The following CMTM4 variants were observed in gnomAD, a reference collection of about 807,000 sequenced individuals.
The protein encoded by CMTM4 is CKLF like MARVEL transmembrane domain containing 4.
Under a neutral mutation model 19.0 loss-of-function variants are expected in CMTM4, and 8 were observed. The observed-to-expected ratio is 0.42, with a 90% CI of 0.25 to 0.76. CMTM4 has a LOEUF of 0.76. Among genes scored for constraint, CMTM4 ranks in the 30% least tolerant of loss-of-function variants. The pLI is 0.27. For synonymous variants in CMTM4, 106 were observed against 121.1 expected, an observed-to-expected ratio of 0.88 and a Z score of 0.82; for missense variants, 228 against 290.2, an observed-to-expected ratio of 0.79 and a Z score of 1.56.
At chr16:66,635,315 A>G (rs1408800191) in intron 2 of CMTM4, among the ~76,000 whole-genome samples, 3 of 152,240 alleles carry the variant, frequency 2.0e-5, no homozygotes, top group Non-Finnish European at 4.4e-5. Context: ...GACAAAAAAC[A>G]GCTAAGTTTT....
intron 1 of CMTM4, among the ~76,000 whole-genome samples, chr16:66,654,624 G>C (rs1027123908): frequency 2.0e-5 from 3 of 152,212 alleles, no homozygotes; most frequent in Admixed American, 6.5e-5. Flanking sequence ...TCGCACAGTA[G>C]TTAAGGAGTG....
the CMTM4 span, among the ~76,000 whole-genome samples, chr16:66,606,381 C>T: frequency 6.6e-6 from 1 of 152,126 alleles, no homozygotes. Flanking sequence ...CTGGGTCAGT[C>T]CCATGGAAGG....
intron 1 of CMTM4, among the ~76,000 whole-genome samples, chr16:66,675,586 T>C (rs2016796651): frequency 1.3e-5 from 2 of 152,054 alleles, no homozygotes; most frequent in South Asian, 4.1e-4. Context: ...TCATTTCTTG[T>C]GGGCTTCACT....
At position 66,675,075 on chromosome 16, in the gene CMTM4, A is replaced by AT. The variant is rs1027116046; in HGVS notation, c.186+21264dup. On this transcript the variant is annotated intron_variant, in intron 1 of 3. Transcript: ENST00000394106. Reference sequence around the variant, plus strand: ...CATATTCTTTTCTTTACTTAAAAAAATTTTTTTTTTAATTTTTTTTTTTGA... The same window carrying AT: ...CATATTCTTTTCTTTACTTAAAAAAATTTTTTTTTTTAATTTTTTTTTTTGA... Among the ~76,000 whole-genome samples, 144 of 142,686 alleles carry AT rather than the reference A, an allele frequency of 1.0e-3. 1 individual carries two copies. The highest frequency in any genetic ancestry group is 7.6e-3 in the South Asian group (34 of 4,476). 93.6% of individuals were successfully genotyped at this position (142,686 alleles called of 152,430 possible).
In CMTM4 at chr16:66,621,970, T is replaced by A; in HGVS notation, c.*88A>T. 2 of 1,477,280 alleles carry A rather than the reference T, an allele frequency of 1.4e-6. No individual in the cohort carries two copies. The allele number at this position is 1,477,280 out of a possible 1,614,324, so 91.5% of individuals were successfully genotyped here. A position where few individuals can be genotyped will look rare whatever the true frequency, so the allele number is the denominator to read the frequency against. ...CCAAAGAGGACAAAATTCAACTGAATCACATGGAAATCTGACAGGACAAGG... is the reference window on the plus strand; with the variant it reads ...CCAAAGAGGACAAAATTCAACTGAAACACATGGAAATCTGACAGGACAAGG... On this transcript the variant is annotated 3_prime_UTR_variant, in exon 4 of 4. Coordinates refer to ENST00000394106, the MANE Select transcript of CMTM4 (RefSeq NM_181521.3).
chr16:66,691,050 G>A (rs112658949), intron 1 of CMTM4, among the ~76,000 whole-genome samples: 11 of 152,272 alleles, frequency 7.2e-5, no homozygotes, highest in African/African-American at 1.9e-4. Context: ...CCAGAAGTTC[G>A]AGGTTACAGT....
At chr16:66,683,260 ACATTAATAACC>A (rs1316397899) in intron 1 of CMTM4, among the ~76,000 whole-genome samples, 5 of 136,780 alleles carry the variant, frequency 3.7e-5, no homozygotes, top group Non-Finnish European at 7.8e-5. Context: ...CTTACAAACT[ACATTAATAACC>A]CATTTTTTTC....
At chr16:66,644,731 T>A (rs527850182) in intron 1 of CMTM4, among the ~76,000 whole-genome samples, 8 of 152,304 alleles carry the variant, frequency 5.3e-5, no homozygotes, top group African/African-American at 1.9e-4. Flanking sequence ...AGTTCCACCA[T>A]GCTCCTTCCC....
rs2015657932 is a variant in CMTM4, at chr16:66,622,467, T to C, written c.463-245A>G. Among the ~76,000 whole-genome samples, 1 of 152,234 alleles carries C rather than the reference T, an allele frequency of 6.6e-6. No homozygotes were observed. Among genetic ancestry groups the C allele is most frequent in the South Asian group, 2.1e-4 (1 of 4,832 alleles). On this transcript the variant is annotated intron_variant, in intron 3 of 3. Coordinates refer to ENST00000394106, the MANE Select transcript of CMTM4 (RefSeq NM_181521.3). The surrounding 1 kb of genome is among the most constrained non-coding windows in gnomAD (Gnocchi z 4.0). ...CCTGTGCCCAGCCCTGCTGGATGTG[T>C]GGCTGTCACACCACAGCTGAGTCTC...
chr16:66,630,503 T>A lies in CMTM4; in HGVS notation c.363+5902A>T, dbSNP rs1192926523. 5.3e-5 allele frequency among the ~76,000 whole-genome samples: 8 copies of A among 151,760 alleles called. No individual in the cohort carries two copies. In the East Asian group the frequency reaches 1.4e-3, roughly 26 times the overall value. On this transcript the variant is annotated intron_variant, in intron 2 of 3. Coordinates refer to ENST00000394106, the MANE Select transcript of CMTM4 (RefSeq NM_181521.3). ...GCAGGCGCGCGCCGCCACGCCTGAC[T>A]GGTTTTCGTATTTTTTGGTGGAGAC...
the CMTM4 span, among the ~76,000 whole-genome samples, chr16:66,607,776 G>A: frequency 6.6e-6 from 1 of 152,030 alleles, no homozygotes; most frequent in Non-Finnish European, 1.5e-5. Flanking sequence ...GTAAGGTGAG[G>A]ACTCAGGGCC....
At chr16:66,669,902 T>A (rs1453784586) in intron 1 of CMTM4, among the ~76,000 whole-genome samples, 1 of 152,134 alleles carries the variant, frequency 6.6e-6, no homozygotes, top group African/African-American at 2.4e-5. Context: ...TTTATTAGAT[T>A]TGTTTAATTC....
chr16:66,650,786 T>G (rs1596932458), intron 1 of CMTM4, among the ~76,000 whole-genome samples: 1 of 152,340 alleles, frequency 6.6e-6, no homozygotes, highest in African/African-American at 2.4e-5. Context: ...TGGTCAATAC[T>G]CAGCTTTGTC....
chr16:66,659,244 G>A (rs2016457992), intron 1 of CMTM4, among the ~76,000 whole-genome samples: 1 of 151,976 alleles, frequency 6.6e-6, no homozygotes, highest in South Asian at 2.1e-4. Flanking sequence ...GCATGGTGGT[G>A]TGCACCTGTA....
intron 1 of CMTM4, among the ~76,000 whole-genome samples, chr16:66,650,729 G>C (rs1269544841): frequency 3.3e-5 from 5 of 152,216 alleles, no homozygotes; most frequent in Non-Finnish European, 7.3e-5. Flanking sequence ...ACTTTGCACA[G>C]CCATGTCTGG....
intron 1 of CMTM4, among the ~76,000 whole-genome samples, chr16:66,685,066 G>A (rs1292853771): frequency 6.6e-6 from 1 of 152,100 alleles, no homozygotes; most frequent in African/African-American, 2.4e-5. Flanking sequence ...GTGAGCACAC[G>A]GGTACTGTCA....
At chr16:66,646,019 T>C (rs918537367) in intron 1 of CMTM4, among the ~76,000 whole-genome samples, 24 of 151,822 alleles carry the variant, frequency 1.6e-4, no homozygotes, top group African/African-American at 5.8e-4. Flanking sequence ...AGAGCCATGG[T>C]GAATAAACAA....
In CMTM4 at chr16:66,696,189, G is replaced by A. The variant is rs2017230860; in HGVS notation, c.186+151C>T. 4 of 467,540 alleles carry A rather than the reference G, an allele frequency of 8.6e-6. No individual in the cohort carries two copies. In the Admixed American group the frequency reaches 1.9e-4, roughly 22 times the overall value. The allele number at this position is 467,540 out of a possible 1,614,324, so 29.0% of individuals were successfully genotyped here. On this transcript the variant is annotated intron_variant, in intron 1 of 3. Transcript: ENST00000394106. The surrounding 1 kb of genome is among the most constrained non-coding windows in gnomAD (Gnocchi z 4.3). Reference sequence around the variant, plus strand: ...CGGGGTCCCCAGAGAAGGCTGCAGAGTGGTCCCGGGACCCCACGAGGGAGA... The same window carrying A: ...CGGGGTCCCCAGAGAAGGCTGCAGAATGGTCCCGGGACCCCACGAGGGAGA...
chr16:66,628,715 ATCTC>A (rs1158192053), intron 2 of CMTM4, among the ~76,000 whole-genome samples: 1 of 152,132 alleles, frequency 6.6e-6, no homozygotes, highest in Non-Finnish European at 1.5e-5. Context: ...TAACAGTCTG[ATCTC>A]TCTTTTTTTC....
Sources: gnomAD v4.1 joint callset for allele counts (sites outside exome capture counted in the v4.1 genomes callset) on GRCh38, gnomAD v4.1.1 for gene constraint, Gnocchi (gnomAD v3.1) non-coding constraint, MANE v1.5 for transcripts, NCBI Gene and HGNC (gene_info 2026-07-23, HGNC 2026-07-21) for gene names.